PPP6R2: variants seen among roughly 807,000 people sequenced by gnomAD.
PPP6R2 encodes serine/threonine-protein phosphatase 6 regulatory subunit 2.
In PPP6R2, 62 loss-of-function variants were observed where a neutral mutation model predicts 100.2. The ratio of observed to expected loss-of-function variants is 0.62; its 90% confidence interval spans 0.50 to 0.76. The LOEUF is 0.76. Ranked by LOEUF, PPP6R2 falls within the 30% of genes least tolerant of loss-of-function variation. The pLI is 0.00. For synonymous variants in PPP6R2, 525 were observed against 514.7 expected, an observed-to-expected ratio of 1.02 and a Z score of -0.27; for missense variants, 1,142 against 1,276.3, an observed-to-expected ratio of 0.89 and a Z score of 1.60.
At chr22:50,399,427 T>C (rs1208199443) in intron 3 of PPP6R2, among the ~76,000 whole-genome samples, 1 of 152,250 alleles carries the variant, frequency 6.6e-6, no homozygotes, top group Non-Finnish European at 1.5e-5. Context: ...GAGCAGCACC[T>C]GTGCTTCGCG....
intron 2 of PPP6R2, among the ~76,000 whole-genome samples, chr22:50,379,839 C>T (rs879315100): frequency 1.3e-5 from 2 of 152,174 alleles, no homozygotes; most frequent in Non-Finnish European, 2.9e-5. Context: ...CACCACCATA[C>T]TCCAGCCTGG....
rs2063129145 is a variant in PPP6R2, at chr22:50,431,467, C to T, written c.1335+85C>T. On this transcript the variant is annotated intron_variant, in intron 11 of 23. Coordinates refer to ENST00000612753, the MANE Select transcript of PPP6R2 (RefSeq NM_001242898.2). This position sits in a 1 kb window ranked among gnomAD's most constrained non-coding sequence, Gnocchi z 4.8. ...ATGTCAGCGCTGACGTGTGCCGGAC[C>T]TCACTGTGCAGCTGACACGGGGGCA... 12 of 1,260,644 alleles carry T rather than the reference C, an allele frequency of 9.5e-6. No individual in the cohort carries two copies. Among genetic ancestry groups the T allele is most frequent in the South Asian group, 1.3e-5 (1 of 75,794 alleles). The allele number at this position is 1,260,644 out of a possible 1,614,324, so 78.1% of individuals were successfully genotyped here. A position where few individuals can be genotyped will look rare whatever the true frequency, so the allele number is the denominator to read the frequency against.
At chr22:50,390,433 TCAAAA>T (rs1004955459) in intron 2 of PPP6R2, among the ~76,000 whole-genome samples, 3 of 152,164 alleles carry the variant, frequency 2.0e-5, no homozygotes, top group East Asian at 1.9e-4. Context: ...AAAGCCGACT[TCAAAA>T]CAAGGTATGT....
chr22:50,350,757 A>G (rs2148059101), intron 1 of PPP6R2, among the ~76,000 whole-genome samples: 1 of 150,988 alleles, frequency 6.6e-6, no homozygotes, highest in African/African-American at 2.4e-5. Context: ...AGGCAAGAGA[A>G]TGGCATGAAC....
At chr22:50,405,781 G>A (rs2058801900) in intron 3 of PPP6R2, among the ~76,000 whole-genome samples, 1 of 131,042 alleles carries the variant, frequency 7.6e-6, no homozygotes. Context: ...GAGGTGAGAG[G>A]CCTGGAGAGA....
In PPP6R2 at chr22:50,443,963, G is replaced by A; in HGVS notation, c.2677G>A (p.Val893Met). 1 of 1,612,048 alleles carries A rather than the reference G, an allele frequency of 6.2e-7. No individual in the cohort carries two copies. Among genetic ancestry groups the A allele is most frequent in the Non-Finnish European group, 8.5e-7 (1 of 1,179,600 alleles). The change falls in exon 23 of 24, where the codon GTG becomes ATG. Residue 893 changes from valine (V) to methionine (M), a missense_variant. This residue lies in a region of PPP6R2 where 550 missense variants were observed against 517.4 expected (regional missense o/e 1.06). Transcript: ENST00000612753. ...PAVAVPPEAT[V>M]AITTALSKAG... is the part of the protein sequence containing the mutation. ...CGTGGCTGTGCCCCCCGAGGCTACT[G>A]TGGCCATCACCACAGCACTGAGCAA...
At chr22:50,418,775 G>T in intron 6 of PPP6R2, 92 bp from the exon 7 acceptor site, 1 of 901,630 alleles carries the variant, frequency 1.1e-6, no homozygotes. Flanking sequence ...TGCCAGAGAA[G>T]CAGCAGGACT....
At position 50,431,287 on chromosome 22, in the gene PPP6R2, G is replaced by C. The variant is rs376757157; in HGVS notation, c.1240G>C (p.Glu414Gln). ...REERTEASGS[E>Q]SRVEPPHENG... ...GGAGAGGACAGAAGCCAGCGGATCC[G>C]AGAGCAGGGTGGAGCCTCCGCATGA... The change falls in exon 11 of 24, where the codon GAG becomes CAG. Residue 414 changes from glutamate (E) to glutamine (Q), a missense_variant. By Grantham distance (29) the Glu-to-Gln change is conservative. Transcript: ENST00000612753. This position sits in a 1 kb window ranked among gnomAD's most constrained non-coding sequence, Gnocchi z 4.8. The C allele has an allele frequency of 3.1e-6, 5 of 1,613,402 alleles. No individual in the cohort carries two copies. In the Admixed American group the frequency reaches 5.0e-5, roughly 16 times the overall value.
chr22:50,351,785 C>T (rs903164150), intron 1 of PPP6R2, among the ~76,000 whole-genome samples: 2 of 151,804 alleles, frequency 1.3e-5, no homozygotes, highest in African/African-American at 2.4e-5. Context: ...AGGTAGCCGC[C>T]GCCATACCCA....
the PPP6R2 span, among the ~76,000 whole-genome samples, chr22:50,332,420 C>T: frequency 6.6e-6 from 1 of 151,396 alleles, no homozygotes; most frequent in East Asian, 2.0e-4. Flanking sequence ...TTAGTAGAAG[C>T]GGGGTTTCAC....
At chr22:50,387,942 T>C (rs147470633) in intron 2 of PPP6R2, among the ~76,000 whole-genome samples, 30 of 152,238 alleles carry the variant, frequency 2.0e-4, no homozygotes, top group South Asian at 1.2e-3. Context: ...AATCAAGGCA[T>C]GAGAGATCAT....
chr22:50,372,908 C>T (rs911463789), intron 2 of PPP6R2, among the ~76,000 whole-genome samples: 4 of 151,988 alleles, frequency 2.6e-5, no homozygotes, highest in Non-Finnish European at 5.9e-5. Context: ...AGGGTGGTCT[C>T]GAACTCCTGA....
chr22:50,370,441 C>T (rs2049833267), intron 1 of PPP6R2, among the ~76,000 whole-genome samples: 1 of 145,496 alleles, frequency 6.9e-6, no homozygotes, highest in Non-Finnish European at 1.5e-5. Context: ...GCGCCTGCCA[C>T]CACGCCCAGC....
At chr22:50,427,746 C>T (rs553070569) in intron 10 of PPP6R2, among the ~76,000 whole-genome samples, 64 of 148,174 alleles carry the variant, frequency 4.3e-4, no homozygotes, top group Non-Finnish European at 8.4e-4. Context: ...TTTTTGAGAC[C>T]GAGTCTCGCT....
At position 50,386,024 on chromosome 22, in the gene PPP6R2, T is replaced by C. The variant is rs182325759; in HGVS notation, c.-16-7869T>C. ...ATTTTTAGTAGAGACGGGGTTTCAC[T>C]GTGTTAGCCAGGATGGTCTCGATCT... On this transcript the variant is annotated intron_variant, in intron 2 of 23. Transcript: ENST00000612753. 9.3e-3 allele frequency among the ~76,000 whole-genome samples: 1,339 copies of C among 144,692 alleles called. 31 individuals are homozygous for C. In the South Asian group the frequency reaches 0.11, roughly 11 times the overall value. 94.9% of individuals were successfully genotyped at this position (144,692 alleles called of 152,430 possible).
At chr22:50,402,634 G>A (rs2058239813) in intron 3 of PPP6R2, among the ~76,000 whole-genome samples, 3 of 152,122 alleles carry the variant, frequency 2.0e-5, no homozygotes, top group South Asian at 2.1e-4. Flanking sequence ...AGGCTGGTTC[G>A]TCGTTTCTGC....
At position 50,431,211 on chromosome 22, in the gene PPP6R2, C is replaced by T. The variant is rs562644419; in HGVS notation, c.1164C>T (p.His388=). Residue 388 remains histidine (H), a synonymous_variant, in exon 11 of 24, where the codon CAC becomes CAT. Coordinates refer to ENST00000612753, the MANE Select transcript of PPP6R2 (RefSeq NM_001242898.2). The surrounding 1 kb of genome is among the most constrained non-coding windows in gnomAD (Gnocchi z 4.8). ...FFKYTWNNFL[H]FQVELCIAAI... ...AGTACACCTGGAATAACTTTTTGCA[C>T]TTCCAAGTGGAACTATGCATAGCCG... The T allele has an allele frequency of 2.5e-6, 4 of 1,613,798 alleles. No homozygotes were observed. The African/African-American group carries it at 4.0e-5, about 16-fold the overall frequency.
Position 50,444,520 on chromosome 22 carries a change from G to T in PPP6R2, c.*273G>T. 3.2e-6 allele frequency: 1 copy of T among 316,184 alleles called. No homozygotes were observed. The allele number at this position is 316,184 out of a possible 1,614,324, so 19.6% of individuals were successfully genotyped here. A position where few individuals can be genotyped will look rare whatever the true frequency, so the allele number is the denominator to read the frequency against. The stretch of plus-strand genomic sequence containing the variant: ...GCACAGCAATAAGGTCGGCCTGCAG[G>T]AGCCGGGGTGGGGGTGGGGGTGGGG... On this transcript the variant is annotated 3_prime_UTR_variant, in exon 24 of 24. Transcript: ENST00000612753.
chr22:50,406,065 G>GAAAAGCCGGA (rs1491381705), intron 3 of PPP6R2, among the ~76,000 whole-genome samples: 3 of 143,438 alleles, frequency 2.1e-5, no homozygotes, highest in African/African-American at 5.2e-5. Context: ...CTGGAGAGAG[G>GAAAAGCCGGA]TGAGAGGCCT....
Sources: allele counts gnomAD v4.1 joint callset (sites outside exome capture counted in the v4.1 genomes callset), GRCh38; gene constraint gnomAD v4.1.1; regional missense constraint gnomAD v4.1.1; non-coding constraint Gnocchi (gnomAD v3.1); transcripts MANE v1.5; gene names NCBI Gene and HGNC (gene_info 2026-07-23, HGNC 2026-07-21).